CUL5: variants seen among roughly 807,000 people sequenced by gnomAD.
CUL5 encodes cullin-5.
Under a neutral mutation model 108.8 loss-of-function variants are expected in CUL5, and 26 were observed. The observed-to-expected ratio is 0.24, with a 90% CI of 0.18 to 0.33. The LOEUF is 0.33. CUL5 is among the 10% of genes least tolerant of loss of function. CUL5 has a pLI of 1.00. For missense variants in CUL5, 524 were observed against 909.2 expected (o/e 0.58, Z 5.45); for synonymous variants, 334 against 298.0 (o/e 1.12, Z -1.25).
At chr11:108,095,265 A>G (rs566016742) in intron 15 of CUL5, among the ~76,000 whole-genome samples, 2 of 152,318 alleles carry the variant, frequency 1.3e-5, no homozygotes, top group African/African-American at 4.8e-5. Flanking sequence ...TACACCTTTC[A>G]TTAGGGACAA....
intron 18 of CUL5, 21 bp from the exon 19 acceptor site, chr11:108,104,169 T>C: frequency 6.7e-7 from 1 of 1,489,474 alleles, no homozygotes; most frequent in Non-Finnish European, 9.1e-7. Flanking sequence ...AATGCGCTTT[T>C]ATTTTTATTT....
At chr11:108,036,377 A>G (rs1216031282) in intron 2 of CUL5, among the ~76,000 whole-genome samples, 1 of 152,250 alleles carries the variant, frequency 6.6e-6, no homozygotes, top group East Asian at 1.9e-4. Context: ...CATTTATGAA[A>G]TGACTAGCAG....
intron 13 of CUL5, among the ~76,000 whole-genome samples, chr11:108,090,350 G>T (rs970284006): frequency 6.6e-6 from 1 of 151,698 alleles, no homozygotes; most frequent in Non-Finnish European, 1.5e-5. Context: ...TTAACGAGGC[G>T]TGGTGGTGGG....
intron 17 of CUL5, among the ~76,000 whole-genome samples, 180 bp from the exon 18 acceptor site, chr11:108,098,226 T>C (rs547000397): frequency 1.0e-3 from 154 of 152,380 alleles, no homozygotes; most frequent in Non-Finnish European, 1.8e-3. Flanking sequence ...TTAGTTATCA[T>C]GTTTAAGGAA....
intron 1 of CUL5, 82 bp downstream of exon 1, chr11:108,009,454 T>G: frequency 6.8e-7 from 1 of 1,480,294 alleles, no homozygotes; most frequent in Admixed American, 1.7e-5. Context: ...CAGGTTCAGC[T>G]GCGAAGTGTG....
intron 13 of CUL5, among the ~76,000 whole-genome samples, 173 bp from the exon 14 acceptor site, chr11:108,094,218 C>G (rs17107737): frequency 6.6e-6 from 1 of 151,862 alleles, no homozygotes. Context: ...CTTGTAATAC[C>G]GTATTTTGTT....
intron 1 of CUL5, among the ~76,000 whole-genome samples, chr11:108,024,118 G>A (rs988565544): frequency 6.6e-6 from 1 of 152,322 alleles, no homozygotes; most frequent in Admixed American, 6.5e-5. Context: ...CCTTATCCAG[G>A]AAAGGACCAG....
Position 108,033,813 on chromosome 11 carries a change from T to C in CUL5, c.36T>C (p.Ser12=), listed in dbSNP as rs1862656041. 4 of 1,591,796 alleles carry C rather than the reference T, an allele frequency of 2.5e-6. No homozygotes were observed. The East Asian group carries it at 8.9e-5, about 36-fold the overall frequency. The stretch of plus-strand genomic sequence containing the variant: ...TTTTTTTTTTCAAGAATAAAGGTTC[T>C]CTTCAGTTTGAAGACAAATGGGATT... ...ATSNLLKNKG[S]LQFEDKWDFM... is the part of the protein sequence containing the mutation. The change falls in exon 2 of 19, where the codon TCT becomes TCC. Residue 12 remains serine (S), a synonymous_variant. Transcript: ENST00000393094.
At chr11:108,081,145 A>G (rs1352578091) in intron 11 of CUL5, among the ~76,000 whole-genome samples, 1 of 151,960 alleles carries the variant, frequency 6.6e-6, no homozygotes, top group Non-Finnish European at 1.5e-5. Flanking sequence ...CAAATTAGCC[A>G]GGCGTGGTGG....
chr11:108,090,866 T>TTA (rs1864336269), intron 13 of CUL5, among the ~76,000 whole-genome samples: 1 of 152,064 alleles, frequency 6.6e-6, no homozygotes, highest in Non-Finnish European at 1.5e-5. Context: ...ATAGTAAAAA[T>TTA]TACTGTGCTA....
At chr11:108,078,298 G>A (rs1863990009) in intron 11 of CUL5, 58 bp downstream of exon 11, 2 of 916,384 alleles carry the variant, frequency 2.2e-6, no homozygotes, top group Non-Finnish European at 3.4e-6. Context: ...TGTAATAGGG[G>A]TTAACTAGGT....
chr11:108,011,459 A>T (rs1862055355), intron 1 of CUL5, among the ~76,000 whole-genome samples: 3 of 152,246 alleles, frequency 2.0e-5, no homozygotes, highest in Non-Finnish European at 4.4e-5. Context: ...TTAAAAGCTC[A>T]CAAGAATTTA....
chr11:108,036,322 A>C (rs925185380), intron 2 of CUL5, among the ~76,000 whole-genome samples: 1 of 152,170 alleles, frequency 6.6e-6, no homozygotes, highest in African/African-American at 2.4e-5. Flanking sequence ...AAAAAGCAAG[A>C]AATTTTGTCT....
intron 13 of CUL5, among the ~76,000 whole-genome samples, chr11:108,092,620 TA>T (rs1864387621): frequency 6.6e-6 from 1 of 152,118 alleles, no homozygotes; most frequent in Non-Finnish European, 1.5e-5. Context: ...ATGATTCCAC[TA>T]ATGTGAAGTG....
chr11:108,068,721 A>G (rs1591312680), intron 7 of CUL5, among the ~76,000 whole-genome samples: 1 of 152,250 alleles, frequency 6.6e-6, no homozygotes, highest in Non-Finnish European at 1.5e-5. Flanking sequence ...CTGATCCCCA[A>G]AAGAGAAGTA....
chr11:108,033,993 C>T, intron 2 of CUL5, 82 bp downstream of exon 2: 1 of 806,278 alleles, frequency 1.2e-6, no homozygotes, highest in South Asian at 1.5e-5. Context: ...ATGTGTAACT[C>T]TAAGTTTATC....
At chr11:108,009,739 G>C (rs1408624861) in intron 1 of CUL5, among the ~76,000 whole-genome samples, 1 of 152,164 alleles carries the variant, frequency 6.6e-6, no homozygotes, top group Non-Finnish European at 1.5e-5. Flanking sequence ...TGTCTAAGAC[G>C]CATCAAAGGA....
chr11:108,044,750 T>A (rs185555565), intron 2 of CUL5, among the ~76,000 whole-genome samples: 21 of 151,362 alleles, frequency 1.4e-4, no homozygotes, highest in African/African-American at 3.6e-4. Context: ...CTTTTTTTTT[T>A]ATATTTTAAT....
At chr11:108,023,014 C>T (rs1413120674) in intron 1 of CUL5, among the ~76,000 whole-genome samples, 1 of 152,152 alleles carries the variant, frequency 6.6e-6, no homozygotes, top group East Asian at 1.9e-4. Flanking sequence ...TTTGGGAGGC[C>T]AAGGCAGGTG....
Sources: gnomAD v4.1 joint callset for allele counts (sites outside exome capture counted in the v4.1 genomes callset) on GRCh38, gnomAD v4.1.1 for gene constraint, MANE v1.5 for transcripts, NCBI Gene and HGNC (gene_info 2026-07-23, HGNC 2026-07-21) for gene names.